The following CTSG variants were observed in gnomAD, a reference collection of about 807,000 sequenced individuals.
CTSG encodes cathepsin G.
A neutral mutation model predicts 23.0 loss-of-function variants in CTSG; 23 were observed. That is an observed-to-expected ratio of 1.00 (90% confidence interval 0.72 to 1.42). The LOEUF (loss-of-function observed/expected upper bound fraction) is 1.42. Among genes scored for constraint, CTSG ranks in the 40% most tolerant of loss-of-function variants. The pLI is 0.00. For synonymous variants in CTSG, 140 were observed against 130.4 expected, an observed-to-expected ratio of 1.07 and a Z score of -0.50; for missense variants, 312 against 326.2, an observed-to-expected ratio of 0.96 and a Z score of 0.33.
In CTSG at chr14:24,573,724, G is replaced by A. The variant is rs1046928225; in HGVS notation, c.681C>T (p.Val227=). The change falls in exon 5 of 5, where the codon GTC becomes GTT. Residue 227 remains valine (V), a synonymous_variant. Coordinates refer to ENST00000216336, the MANE Select transcript of CTSG (RefSeq NM_001911.3). ...GCAGGAAACTTGAGACCCTGGTGAA[G>A]ACTTCTGGAGGAACCCCTGACGACT... The part of the protein sequence containing the change: ...YGKSSGVPPE[V]FTRVSSFLPW... The A allele has an allele frequency of 1.2e-6, 2 of 1,614,154 alleles. No homozygotes were observed. The highest frequency in any genetic ancestry group is 3.3e-5 in the Admixed American group (2 of 60,024).
chr14:24,576,169 C>T lies in CTSG; in HGVS notation c.55G>A (p.Gly19Arg), dbSNP rs1206389215. 5 of 1,609,384 alleles carry T rather than the reference C, an allele frequency of 3.1e-6. No individual in the cohort carries two copies. Among genetic ancestry groups the T allele is most frequent in the African/African-American group, 2.7e-5 (2 of 74,982 alleles). Residue 19 changes from glycine to arginine, a missense_variant and splice_region_variant, in exon 1 of 5, where the codon GGG (glycine) becomes AGG (arginine). By Grantham distance (125) the Gly-to-Arg change is moderately radical. Transcript: ENST00000216336. Reference protein sequence around the residue: ...AFLLPTGAEAGEIIGGRESRP... With the variant: ...AFLLPTGAEAREIIGGRESRP... ...TCTGAGGGTGGGGATGGTCACTCAC[C>T]TGCCTCAGCCCCAGTGGGTAGGAGA... is the stretch of plus-strand genomic sequence containing the variant.
chr14:24,575,429 G>T lies in CTSG; in HGVS notation c.56-17C>A. On this transcript the variant is annotated splice_polypyrimidine_tract_variant and intron_variant, in intron 1 of 4. Coordinates refer to ENST00000216336, the MANE Select transcript of CTSG (RefSeq NM_001911.3). ...TGATCTCCCCTGGAAGGAAGCATTT[G>T]GCACTTAGCTCTATGCTTGCTGAAC... 1 of 1,613,820 alleles carries T rather than the reference G, an allele frequency of 6.2e-7. No homozygotes were observed. The highest frequency in any genetic ancestry group is 8.5e-7 in the Non-Finnish European group (1 of 1,179,974).
Position 24,574,822 on chromosome 14 carries a change from A to G in CTSG, c.204-12T>C, listed in dbSNP as rs1327895682. ...TGACATTTATATTGCTGCAAAAGCA[A>G]GAGGTAGGTCTGGGCTGCAGGAGCT... On this transcript the variant is annotated splice_polypyrimidine_tract_variant and intron_variant, in intron 2 of 4. Transcript: ENST00000216336. 3 of 1,613,146 alleles carry G rather than the reference A, an allele frequency of 1.9e-6. No homozygotes were observed. Among genetic ancestry groups the G allele is most frequent in the Non-Finnish European group, 2.5e-6 (3 of 1,180,002 alleles).
intron 1 of CTSG, 39 bp from the exon 2 acceptor site, chr14:24,575,451 G>T: frequency 6.2e-7 from 1 of 1,612,114 alleles, no homozygotes; most frequent in South Asian, 1.1e-5. Flanking sequence ...TATGCTTGCT[G>T]AACCTGCAAT....
rs756467866 is a variant in CTSG, at chr14:24,575,248, G to A, written c.203+17C>T. The A allele has an allele frequency of 6.8e-6, 11 of 1,613,974 alleles. No individual in the cohort carries two copies. Among genetic ancestry groups the A allele is most frequent in the Non-Finnish European group, 9.3e-6 (11 of 1,179,956 alleles). On this transcript the variant is annotated intron_variant, in intron 2 of 4. Coordinates refer to ENST00000216336, the MANE Select transcript of CTSG (RefSeq NM_001911.3). ...GGCTGTGTTCCTGGCTGGCCAGGAA[G>A]TTCCTTAGCTCCTCACCTTCCCCAG...
In CTSG at chr14:24,574,419, C is replaced by A; in HGVS notation, c.420G>T (p.Thr140=). 1 of 1,613,502 alleles carries A rather than the reference C, an allele frequency of 6.2e-7. No homozygotes were observed. The highest frequency in any genetic ancestry group is 2.2e-5 in the East Asian group (1 of 44,874). Residue 140 remains threonine, a synonymous_variant, in exon 4 of 5, where the codon ACG becomes ACT. Coordinates refer to ENST00000216336, the MANE Select transcript of CTSG (RefSeq NM_001911.3). ...PRAQEGLRPG[T]LCTVAGWGRV... is the part of the protein sequence containing the mutation. ...TGCCCCAGCCGGCCACAGTGCACAG[C>A]GTCCCGGGTCTCAGTCCCTCCTGGG...
chr14:24,574,480 C>G lies in CTSG; in HGVS notation c.359G>C (p.Arg120Pro), dbSNP rs780684101. 13 of 1,613,890 alleles carry G rather than the reference C, an allele frequency of 8.1e-6. No individual in the cohort carries two copies. The African/African-American group carries it at 1.5e-4, about 18-fold the overall frequency. Residue 120 changes from arginine (R) to proline (P), a missense_variant, in exon 4 of 5, where the codon CGG becomes CCG. Transcript: ENST00000216336. ...AGCCACTGGGTTCACGTTTCGATTC[C>G]GTCTGACTCTTCTGCTCAGCTGGAG... ...MLLQLSRRVR[R>P]NRNVNPVALP...
Position 24,574,439 on chromosome 14 carries a change from C to T in CTSG, c.400G>A (p.Glu134Lys), listed in dbSNP as rs771962070. 2 of 1,613,952 alleles carry T rather than the reference C, an allele frequency of 1.2e-6. No individual in the cohort carries two copies. Residue 134 changes from glutamate (E) to lysine (K), a missense_variant, in exon 4 of 5, where the codon GAG becomes AAG. Physicochemically the swap from Glu to Lys is moderately conservative, Grantham distance 56 (BLOSUM62 1). Transcript: ENST00000216336. ...CACAGCGTCCCGGGTCTCAGTCCCT[C>T]CTGGGCTCTAGGCAGAGCCACTGGG... ...VNPVALPRAQ[E>K]GLRPGTLCTV... is the part of the protein sequence containing the mutation.
Position 24,576,217 on chromosome 14 carries a change from G to T in CTSG, c.7C>A (p.Pro3Thr). The change falls in exon 1 of 5, where the codon CCA becomes ACA. Residue 3 changes from proline (P) to threonine (T), a missense_variant. Physicochemically the swap from Pro to Thr is conservative, Grantham distance 38 (BLOSUM62 -1). Coordinates refer to ENST00000216336, the MANE Select transcript of CTSG (RefSeq NM_001911.3). MQ[P>T]LLLLLAFLLP... is the part of the protein sequence containing the mutation. ...AGAAAGGCCAGCAGAAGCAGGAGTG[G>T]CTGCATCTTTCCTGAAAGGCTGCCC... 4 of 1,607,988 alleles carry T rather than the reference G, an allele frequency of 2.5e-6. No homozygotes were observed. The highest frequency in any genetic ancestry group is 2.2e-5 in the East Asian group (1 of 44,760).
Position 24,573,735 on chromosome 14 carries a change from G to T in CTSG, c.670C>A (p.Pro224Thr). ...GAGACCCTGGTGAAGACTTCTGGAG[G>T]AACCCCTGACGACTTTCCATAGGAG... ...IVSYGKSSGV[P>T]PEVFTRVSSF... The change falls in exon 5 of 5, where the codon CCT (proline) becomes ACT (threonine). Residue 224 changes from proline to threonine, a missense_variant. Transcript: ENST00000216336. 1 of 1,614,116 alleles carries T rather than the reference G, an allele frequency of 6.2e-7. No individual in the cohort carries two copies.
intron 4 of CTSG, 82 bp from the exon 5 acceptor site, chr14:24,573,892 GGGGT>G: frequency 7.6e-7 from 1 of 1,314,776 alleles, no homozygotes; most frequent in Non-Finnish European, 1.1e-6. Flanking sequence ...AGGGAAGGCA[GGGGT>G]GGGTGGGCCC....
Position 24,574,662 on chromosome 14 carries a change from AGGTAGGTGG to A in CTSG, c.339+4_339+12del. The A allele has an allele frequency of 6.2e-7, 1 of 1,614,216 alleles. No homozygotes were observed. The highest frequency in any genetic ancestry group is 8.5e-7 in the Non-Finnish European group (1 of 1,180,022). On this transcript the variant is annotated splice_donor_5th_base_variant and intron_variant, in intron 3 of 4. Transcript: ENST00000216336. Reference sequence around the variant, plus strand: ...CACACTAGGAAGGAGCCAGAGGGCCAGGTAGGTGGTACCTGCAATAACATGATGTCATTC... The same window carrying A: ...CACACTAGGAAGGAGCCAGAGGGCCATACCTGCAATAACATGATGTCATTC...
chr14:24,574,591 G>C lies in CTSG; in HGVS notation c.339+84C>G, dbSNP rs140570690. On this transcript the variant is annotated intron_variant, in intron 3 of 4. Transcript: ENST00000216336. Reference sequence around the variant, plus strand: ...GCAGTACACATCCCATGCCCTCCCCGCCACCCCGGAGCCTTGCCCTCACTT... The same window carrying C: ...GCAGTACACATCCCATGCCCTCCCCCCCACCCCGGAGCCTTGCCCTCACTT... 2.5e-6 allele frequency: 4 copies of C among 1,610,598 alleles called. No homozygotes were observed. In the East Asian group the frequency reaches 8.9e-5, roughly 36 times the overall value.
Position 24,574,395 on chromosome 14 carries a change from G to T in CTSG, c.444C>A (p.Gly148=). The change falls in exon 4 of 5, where the codon GGC becomes GGA. Residue 148 remains glycine (G), a synonymous_variant. Transcript: ENST00000216336. The part of the protein sequence containing the change: ...PGTLCTVAGW[G]RVSMRRGTDT... ...CTGTTCCCCTCCTCATGCTGACCCT[G>T]CCCCAGCCGGCCACAGTGCACAGCG... 6.2e-7 allele frequency: 1 copy of T among 1,612,378 alleles called. No individual in the cohort carries two copies. Among genetic ancestry groups the T allele is most frequent in the Non-Finnish European group, 8.5e-7 (1 of 1,180,014 alleles).
At chr14:24,575,985 T>C (rs1321706280) in intron 1 of CTSG, among the ~76,000 whole-genome samples, 184 bp downstream of exon 1, 1 of 152,236 alleles carries the variant, frequency 6.6e-6, no homozygotes, top group Non-Finnish European at 1.5e-5. Context: ...TTAAATACTC[T>C]AACTTATTTA....
Position 24,575,310 on chromosome 14 carries a change from A to G in CTSG, c.158T>C (p.Leu53Pro). The G allele has an allele frequency of 6.2e-7, 1 of 1,614,164 alleles. No homozygotes were observed. Among genetic ancestry groups the G allele is most frequent in the Admixed American group, 1.7e-5 (1 of 60,018 alleles). ...TGTCAGCACAAAGTCTTCTCGCACCAGGAACCCTCCACATCTGCTCTGACC... is the reference window on the plus strand; with the variant it reads ...TGTCAGCACAAAGTCTTCTCGCACCGGGAACCCTCCACATCTGCTCTGACC... ...PAGQSRCGGF[L>P]VREDFVLTAA... Residue 53 changes from leucine (L) to proline (P), a missense_variant, in exon 2 of 5, where the codon CTG becomes CCG. By Grantham distance (98) the Leu-to-Pro change is moderately conservative. Coordinates refer to ENST00000216336, the MANE Select transcript of CTSG (RefSeq NM_001911.3).
rs146166184 is a variant in CTSG at position 24,574,749 on chromosome 14, T to C, written c.265A>G (p.Ile89Val). Residue 89 changes from isoleucine to valine, a missense_variant, in exon 3 of 5, where the codon ATC becomes GTC. Ile to Val is a conservative substitution (Grantham distance 29). Coordinates refer to ENST00000216336, the MANE Select transcript of CTSG (RefSeq NM_001911.3). The part of the protein sequence containing the change: ...IQRRENTQQH[I>V]TARRAIRHPQ... ...TGGCGGATGGCTCTGCGCGCAGTGA[T>C]GTGTTGCTGGGTGTTTTCCCGTCTC... The C allele has an allele frequency of 1.2e-6, 2 of 1,614,154 alleles. No homozygotes were observed. The highest frequency in any genetic ancestry group is 2.7e-5 in the African/African-American group (2 of 75,060).
Position 24,573,772 on chromosome 14 carries a change from G to C in CTSG, c.633C>G (p.Ala211=). ...SGGPLLCNNV[A]HGIVSYGKSS... is the part of the protein sequence containing the mutation. ...ACTTTCCATAGGAGACGATGCCGTG[G>C]GCCACATTGTTACACAGCAGGGGGC... The change falls in exon 5 of 5, where the codon GCC becomes GCG. Residue 211 remains alanine, a synonymous_variant. Coordinates refer to ENST00000216336, the MANE Select transcript of CTSG (RefSeq NM_001911.3). 6.2e-7 allele frequency: 1 copy of C among 1,614,092 alleles called. No homozygotes were observed. The highest frequency in any genetic ancestry group is 8.5e-7 in the Non-Finnish European group (1 of 1,180,006).
Position 24,573,630 on chromosome 14 carries a change from G to A in CTSG, c.*7C>T. On this transcript the variant is annotated 3_prime_UTR_variant, in exon 5 of 5. Transcript: ENST00000216336. ...AGCTGGCCTGTGTCCCCGAGAAGAA[G>A]AGTCAGTCACAGGGGGGTCTCCATC... is the stretch of plus-strand genomic sequence containing the variant. 4 of 1,610,958 alleles carry A rather than the reference G, an allele frequency of 2.5e-6. No homozygotes were observed. The highest frequency in any genetic ancestry group is 3.4e-6 in the Non-Finnish European group (4 of 1,178,042).
Sources: gnomAD v4.1 joint callset for allele counts (sites outside exome capture counted in the v4.1 genomes callset) on GRCh38, gnomAD v4.1.1 for gene constraint, MANE v1.5 for transcripts, NCBI Gene and HGNC (gene_info 2026-07-23, HGNC 2026-07-21) for gene names.